The following ECT2L variants were observed in gnomAD, a reference collection of about 807,000 sequenced individuals.
The protein encoded by ECT2L is epithelial cell transforming 2 like.
Under a neutral mutation model 122.8 loss-of-function variants are expected in ECT2L, and 126 were observed. The ratio of observed to expected loss-of-function variants is 1.03; its 90% CI spans 0.89 to 1.19. ECT2L has a LOEUF of 1.19. Ranked by LOEUF, ECT2L falls within the 50% of genes most tolerant of loss-of-function variation. ECT2L has a pLI of 0.00. For missense variants in ECT2L, 1,012 were observed against 1,064.1 expected (o/e 0.95, Z 0.68); for synonymous variants, 385 against 381.8 (o/e 1.01, Z -0.10).
In ECT2L at chr6:138,854,131, T is replaced by C. The variant is rs765499367; in HGVS notation, c.1175T>C (p.Phe392Ser). 4.3e-5 allele frequency: 70 copies of C among 1,613,956 alleles called. No individual in the cohort carries two copies. Among genetic ancestry groups the C allele is most frequent in the Non-Finnish European group, 5.6e-5 (66 of 1,180,000 alleles). ...GAAGAAGAAGGGGGTCACGTGGACT[T>C]CTTCGTGCCCCTTGGAGCATCAGGT... ...ATEEEGGHVD[F>S]FVPLGASEAG... The change falls in exon 10 of 22, where the codon TTC becomes TCC. Residue 392 changes from phenylalanine to serine, a missense_variant. Phe to Ser is a radical substitution (Grantham distance 155). Coordinates refer to ENST00000541398, the MANE Select transcript of ECT2L (RefSeq NM_001077706.3).
intron 4 of ECT2L, among the ~76,000 whole-genome samples, chr6:138,829,183 T>C (rs1342352520): frequency 6.6e-6 from 1 of 152,146 alleles, no homozygotes; most frequent in Non-Finnish European, 1.5e-5. Context: ...CTTTTCTTTC[T>C]GGTGTGAGAA....
chr6:138,874,227 C>T (rs1778363508), intron 13 of ECT2L, among the ~76,000 whole-genome samples: 1 of 151,820 alleles, frequency 6.6e-6, no homozygotes, highest in Non-Finnish European at 1.5e-5. Context: ...TCTTTGTGAG[C>T]TTTTTTTTAA....
chr6:138,863,825 T>A (rs1329086620), intron 11 of ECT2L, among the ~76,000 whole-genome samples: 33 of 150,192 alleles, frequency 2.2e-4, no homozygotes, highest in Non-Finnish European at 4.4e-4. Context: ...CATGTTGGCC[T>A]GGATGGTCTT....
intron 10 of ECT2L, among the ~76,000 whole-genome samples, chr6:138,861,904 GA>G (rs1172408047): frequency 1.3e-5 from 2 of 152,026 alleles, no homozygotes; most frequent in African/African-American, 4.8e-5. Flanking sequence ...GACTATTTTA[GA>G]AAAAAATATA....
chr6:138,811,947 C>A (rs1775917134), intron 1 of ECT2L, among the ~76,000 whole-genome samples: 2 of 152,100 alleles, frequency 1.3e-5, no homozygotes, highest in African/African-American at 4.8e-5. Context: ...CCTCAGCCTC[C>A]CAAAGTGCTG....
intron 20 of ECT2L, among the ~76,000 whole-genome samples, chr6:138,898,069 A>AG (rs1253577922): frequency 2.0e-5 from 3 of 151,908 alleles, no homozygotes; most frequent in Non-Finnish European, 4.4e-5. Flanking sequence ...GTAAAAAAAA[A>AG]AAATTGCTCC....
intron 8 of ECT2L, among the ~76,000 whole-genome samples, chr6:138,848,088 G>A (rs1562472538): frequency 6.6e-6 from 1 of 152,162 alleles, no homozygotes; most frequent in African/African-American, 2.4e-5. Context: ...TCAGTGTCAT[G>A]AGAACGGCAT....
At chr6:138,876,641 T>C in intron 14 of ECT2L, 83 bp downstream of exon 14, 2 of 809,914 alleles carry the variant, frequency 2.5e-6, no homozygotes, top group Non-Finnish European at 3.7e-6. Flanking sequence ...TAGTTCTTCA[T>C]TTTCCTTGAA....
chr6:138,827,456 G>A (rs747972317), intron 4 of ECT2L, among the ~76,000 whole-genome samples: 17 of 152,054 alleles, frequency 1.1e-4, no homozygotes, highest in Non-Finnish European at 1.5e-4. Flanking sequence ...AAGGGACCCC[G>A]GTATATTCAG....
At chr6:138,824,821 G>T (rs1446116599) in intron 4 of ECT2L, among the ~76,000 whole-genome samples, 1 of 152,062 alleles carries the variant, frequency 6.6e-6, no homozygotes, top group Non-Finnish European at 1.5e-5. Flanking sequence ...TGCCTGTGTT[G>T]TTGCCAAAAT....
chr6:138,864,508 T>C (rs1305240093), intron 11 of ECT2L, among the ~76,000 whole-genome samples: 1 of 152,242 alleles, frequency 6.6e-6, no homozygotes, highest in Non-Finnish European at 1.5e-5. Flanking sequence ...TGTAGACAGA[T>C]TTGTAGAGCG....
At chr6:138,828,228 C>T (rs1471607181) in intron 4 of ECT2L, among the ~76,000 whole-genome samples, 4 of 152,208 alleles carry the variant, frequency 2.6e-5, no homozygotes, top group Admixed American at 6.5e-5. Context: ...CAATTTTCCT[C>T]AATGACCTCA....
chr6:138,824,544 A>T (rs1281654658), intron 4 of ECT2L, among the ~76,000 whole-genome samples: 43 of 94,766 alleles, frequency 4.5e-4, no homozygotes, highest in African/African-American at 1.9e-3. Flanking sequence ...AAAGCAATAA[A>T]AAAAAAAAAA....
At chr6:138,889,682 G>A (rs538698681) in intron 20 of ECT2L, among the ~76,000 whole-genome samples, 12 of 152,310 alleles carry the variant, frequency 7.9e-5, no homozygotes, top group East Asian at 5.8e-4. Flanking sequence ...CTGCTCAAAT[G>A]TAAGAAAGAG....
Position 138,902,826 on chromosome 6 carries a change from G to A in ECT2L, c.*199G>A. The A allele has an allele frequency of 1.8e-6, 1 of 544,754 alleles. No homozygotes were observed. The highest frequency in any genetic ancestry group is 3.1e-6 in the Non-Finnish European group (1 of 327,466). 33.7% of individuals were successfully genotyped at this position (544,754 alleles called of 1,614,324 possible). A position where few individuals can be genotyped will look rare whatever the true frequency, so the allele number is the denominator to read the frequency against. ...TATGTAGAATGTATAAGTACATTTT[G>A]AGTCCAAAATTTTGAACTACTTCTT... On this transcript the variant is annotated 3_prime_UTR_variant, in exon 22 of 22. Coordinates refer to ENST00000541398, the MANE Select transcript of ECT2L (RefSeq NM_001077706.3).
rs949580679 is a variant in ECT2L, at chr6:138,867,867, G to C, written c.1475-236G>C. ...TAAATAAAAGTTAAAAAATTAAGCAGGCATGGTGGTGCATGCCTATAGTCC... is the reference window on the plus strand; with the variant it reads ...TAAATAAAAGTTAAAAAATTAAGCACGCATGGTGGTGCATGCCTATAGTCC... On this transcript the variant is annotated intron_variant, in intron 12 of 21. Transcript: ENST00000541398. Among the ~76,000 whole-genome samples, 18 of 151,408 alleles carry C rather than the reference G, an allele frequency of 1.2e-4. No homozygotes were observed. The South Asian group carries it at 1.3e-3, about 11-fold the overall frequency.
At chr6:138,809,766 T>C (rs567264823) in intron 1 of ECT2L, among the ~76,000 whole-genome samples, 1 of 152,244 alleles carries the variant, frequency 6.6e-6, no homozygotes, top group African/African-American at 2.4e-5. Context: ...TTGGGAATCA[T>C]TCTCACTTTT....
chr6:138,891,250 CAT>C (rs948874475), intron 20 of ECT2L, among the ~76,000 whole-genome samples: 1 of 152,224 alleles, frequency 6.6e-6, no homozygotes, highest in Non-Finnish European at 1.5e-5. Context: ...TGCAATAAAT[CAT>C]AGTTTACCTC....
chr6:138,889,483 C>T (rs1778944093), intron 20 of ECT2L, among the ~76,000 whole-genome samples: 2 of 152,116 alleles, frequency 1.3e-5, no homozygotes, highest in Admixed American at 6.5e-5. Flanking sequence ...CCATGCCCAG[C>T]TAATTTTTGT....
Sources: gnomAD v4.1 joint callset for allele counts (sites outside exome capture counted in the v4.1 genomes callset) on GRCh38, gnomAD v4.1.1 for gene constraint, MANE v1.5 for transcripts, NCBI Gene and HGNC (gene_info 2026-07-23, HGNC 2026-07-21) for gene names.